The following WDR70 variants were observed in gnomAD, a reference collection of about 807,000 sequenced individuals.
The protein encoded by WDR70 is WD repeat-containing protein 70.
In WDR70, 53 loss-of-function variants were observed where a neutral mutation model predicts 88.6. The observed-to-expected ratio is 0.60, with a 90% CI of 0.48 to 0.75. WDR70 has a LOEUF of 0.75. WDR70 is among the 30% of genes least tolerant of loss of function. The pLI is 0.00. For missense variants in WDR70, 610 were observed against 823.2 expected (o/e 0.74, Z 3.17); for synonymous variants, 280 against 270.0 (o/e 1.04, Z -0.36).
chr5:37,454,838 T>G (rs1338593607), intron 7 of WDR70, among the ~76,000 whole-genome samples: 1 of 152,246 alleles, frequency 6.6e-6, no homozygotes, highest in Non-Finnish European at 1.5e-5. Context: ...GCATGGATTC[T>G]GACTCATAAA....
In WDR70 at chr5:37,697,671, A is replaced by G. The variant is rs1051102822; in HGVS notation, c.1109A>G (p.His370Arg). 6.2e-7 allele frequency: 1 copy of G among 1,613,768 alleles called. No individual in the cohort carries two copies. Among genetic ancestry groups the G allele is most frequent in the South Asian group, 1.1e-5 (1 of 91,068 alleles). Residue 370 changes from histidine to arginine, a missense_variant, in exon 11 of 18, where the codon CAC becomes CGC. This residue lies in a region of WDR70 where 254 missense variants were observed against 300.7 expected (regional missense o/e 0.84). Coordinates refer to ENST00000265107, the MANE Select transcript of WDR70 (RefSeq NM_018034.4). ...DRNLTVHPKF[H>R]YKQAHDSGTD... is the part of the protein sequence containing the mutation. ...TGTGAATAGGTTCATCCTAAGTTCC[A>G]CTATAAACAGGCTCATGACTCGGGC...
Position 37,396,103 on chromosome 5 carries a change from C to A in WDR70, c.297-272C>A, listed in dbSNP as rs148437287. Among the ~76,000 whole-genome samples, 27 of 152,310 alleles carry A rather than the reference C, an allele frequency of 1.8e-4. No individual in the cohort carries two copies. The East Asian group carries it at 4.8e-3, about 27-fold the overall frequency. On this transcript the variant is annotated intron_variant, in intron 4 of 17. Coordinates refer to ENST00000265107, the MANE Select transcript of WDR70 (RefSeq NM_018034.4). The stretch of plus-strand genomic sequence containing the variant: ...TGTGAGCCATTGCACTCAGTCTCAC[C>A]TGTCTCTTTATGAGTGCTAATGGTC...
At chr5:37,596,230 TA>T (rs1295780730) in intron 9 of WDR70, among the ~76,000 whole-genome samples, 1 of 152,080 alleles carries the variant, frequency 6.6e-6, no homozygotes, top group Admixed American at 6.6e-5. Flanking sequence ...ACAGGAATAA[TA>T]GAGAGGCACT....
chr5:37,571,510 TTTAAG>T (rs1008334209), intron 9 of WDR70, among the ~76,000 whole-genome samples: 1 of 151,294 alleles, frequency 6.6e-6, no homozygotes, highest in Non-Finnish European at 1.5e-5. Context: ...TATTCATTTG[TTTAAG>T]TTAAGTATAT....
intron 10 of WDR70, among the ~76,000 whole-genome samples, chr5:37,624,094 A>G (rs1261641725): frequency 6.6e-6 from 1 of 152,158 alleles, no homozygotes; most frequent in Non-Finnish European, 1.5e-5. Context: ...AGTATATAAT[A>G]TTTATTGTTA....
intron 17 of WDR70, among the ~76,000 whole-genome samples, chr5:37,747,615 A>C (rs2112743815): frequency 6.6e-6 from 1 of 152,162 alleles, no homozygotes; most frequent in South Asian, 2.1e-4. Context: ...CTCTCTCACC[A>C]CTCCTATTCA....
At chr5:37,396,270 C>A in intron 4 of WDR70, 105 bp from the exon 5 acceptor site, 2 of 1,351,714 alleles carry the variant, frequency 1.5e-6, no homozygotes, top group Non-Finnish European at 1.9e-6. Context: ...AAAAAATACC[C>A]AGTTGTTAAT....
At chr5:37,517,091 A>G (rs1026876200) in intron 9 of WDR70, among the ~76,000 whole-genome samples, 1 of 152,194 alleles carries the variant, frequency 6.6e-6, no homozygotes, top group African/African-American at 2.4e-5. Flanking sequence ...AATAGACACT[A>G]TGAAAACGAG....
chr5:37,628,188 G>T (rs1744719107), intron 10 of WDR70, among the ~76,000 whole-genome samples: 1 of 152,182 alleles, frequency 6.6e-6, no homozygotes, highest in Admixed American at 6.5e-5. Context: ...CTCTCAAAGT[G>T]TTGGGTTTAC....
At chr5:37,547,382 T>C (rs1742028822) in intron 9 of WDR70, among the ~76,000 whole-genome samples, 1 of 152,204 alleles carries the variant, frequency 6.6e-6, no homozygotes, top group Admixed American at 6.5e-5. Context: ...GTGGGTTTTC[T>C]TTTTAAAACT....
intron 9 of WDR70, among the ~76,000 whole-genome samples, chr5:37,525,069 A>G (rs570415444): frequency 2.0e-5 from 3 of 152,304 alleles, no homozygotes; most frequent in East Asian, 1.9e-4. Context: ...AGATAGATCA[A>G]CGAGACAGCA....
intron 9 of WDR70, among the ~76,000 whole-genome samples, chr5:37,593,339 G>A (rs1041188411): frequency 1.3e-5 from 2 of 151,632 alleles, no homozygotes; most frequent in African/African-American, 4.8e-5. Flanking sequence ...CCCAGGATGT[G>A]ATGTTCCCTG....
intron 8 of WDR70, among the ~76,000 whole-genome samples, chr5:37,492,507 C>G (rs971834292): frequency 6.6e-6 from 1 of 152,124 alleles, no homozygotes. Context: ...ACACAATGGA[C>G]TTTAAGAAAG....
intron 5 of WDR70, among the ~76,000 whole-genome samples, chr5:37,432,021 A>G (rs1405794095): frequency 6.6e-6 from 1 of 152,226 alleles, no homozygotes; most frequent in Non-Finnish European, 1.5e-5. Flanking sequence ...ACGTGGATGT[A>G]CAAATAGCTC....
intron 10 of WDR70, among the ~76,000 whole-genome samples, chr5:37,643,254 T>G (rs996174492): frequency 6.6e-6 from 1 of 152,128 alleles, no homozygotes; most frequent in African/African-American, 2.4e-5. Context: ...CTTTCCCAAG[T>G]GTATACTCTT....
intron 9 of WDR70, among the ~76,000 whole-genome samples, chr5:37,525,161 A>G (rs1741224113): frequency 6.6e-6 from 1 of 152,156 alleles, no homozygotes; most frequent in Non-Finnish European, 1.5e-5. Flanking sequence ...TCCACCCCAA[A>G]TCAAAAGAAT....
intron 17 of WDR70, among the ~76,000 whole-genome samples, chr5:37,739,001 GT>G (rs1748386687): frequency 6.6e-6 from 1 of 152,204 alleles, no homozygotes; most frequent in Admixed American, 6.5e-5. Context: ...CAATGACCAC[GT>G]TGATGTCTAA....
At chr5:37,471,237 C>T (rs1399207667) in intron 7 of WDR70, among the ~76,000 whole-genome samples, 1 of 150,652 alleles carries the variant, frequency 6.6e-6, no homozygotes, top group Non-Finnish European at 1.5e-5. Context: ...TACCCTCCTA[C>T]CCATAGTCCA....
chr5:37,509,706 A>G (rs1740660561), intron 8 of WDR70, among the ~76,000 whole-genome samples: 1 of 151,846 alleles, frequency 6.6e-6, no homozygotes, highest in Non-Finnish European at 1.5e-5. Context: ...GACTCACATT[A>G]ACATCTTCCC....
Sources: allele counts gnomAD v4.1 joint callset (sites outside exome capture counted in the v4.1 genomes callset), GRCh38; gene constraint gnomAD v4.1.1; regional missense constraint gnomAD v4.1.1; transcripts MANE v1.5; gene names NCBI Gene and HGNC (gene_info 2026-07-23, HGNC 2026-07-21).